DAB1: variants seen among roughly 807,000 people sequenced by gnomAD.
The protein encoded by DAB1 is DAB adaptor protein 1.
Under a neutral mutation model 64.6 loss-of-function variants are expected in DAB1, and 15 were observed. The observed-to-expected ratio is 0.23, with a 90% CI of 0.16 to 0.36. DAB1 has a LOEUF of 0.36. DAB1 is among the 10% of genes least tolerant of loss of function. The pLI is 1.00. For synonymous variants in DAB1, 235 were observed against 251.9 expected, an observed-to-expected ratio of 0.93 and a Z score of 0.64; for missense variants, 596 against 706.7, an observed-to-expected ratio of 0.84 and a Z score of 1.78.
intron 3 of DAB1, among the ~76,000 whole-genome samples, chr1:58,397,764 A>G (rs964239356): frequency 1.3e-5 from 2 of 152,172 alleles, no homozygotes; most frequent in Non-Finnish European, 2.9e-5. Context: ...ACCCCGCATC[A>G]AAGTATTCAC....
At chr1:58,217,697 C>T (rs1658929408) in intron 4 of DAB1, among the ~76,000 whole-genome samples, 1 of 152,136 alleles carries the variant, frequency 6.6e-6, no homozygotes, top group South Asian at 2.1e-4. Context: ...AAGATACAGG[C>T]CACACACCTA....
chr1:58,053,930 T>C (rs1647880690), intron 5 of DAB1, among the ~76,000 whole-genome samples: 1 of 152,248 alleles, frequency 6.6e-6, no homozygotes, highest in Non-Finnish European at 1.5e-5. Context: ...TCTTCTCACC[T>C]AATCCATGGT....
chr1:58,506,265 AAAC>A, intron 2 of DAB1: 1 of 791,770 alleles, frequency 1.3e-6, no homozygotes. Context: ...GATTTTTTAA[AAAC>A]TACTACTTTA....
chr1:58,527,721 C>T (rs978608867), intron 1 of DAB1, among the ~76,000 whole-genome samples: 7 of 152,004 alleles, frequency 4.6e-5, no homozygotes, highest in Admixed American at 4.6e-4. Flanking sequence ...ATCAAGAAAA[C>T]GTAGGCATAT....
At chr1:57,116,732 AGCCCAATG>A (rs1275823388) in intron 4 of DAB1, among the ~76,000 whole-genome samples, 1 of 152,192 alleles carries the variant, frequency 6.6e-6, no homozygotes, top group Non-Finnish European at 1.5e-5. Context: ...AGAAGATTAT[AGCCCAATG>A]GCTTCAATAC....
chr1:58,387,356 A>G (rs1644440948), intron 3 of DAB1, among the ~76,000 whole-genome samples: 2 of 152,246 alleles, frequency 1.3e-5, no homozygotes. Context: ...TGATTAGTCA[A>G]TAACCCAATG....
intron 5 of DAB1, among the ~76,000 whole-genome samples, chr1:57,966,200 T>C (rs1263067088): frequency 6.6e-6 from 1 of 152,160 alleles, no homozygotes; most frequent in Non-Finnish European, 1.5e-5. Flanking sequence ...ATCAGATAGC[T>C]TAAGGAGGTT....
At chr1:57,599,182 CTTT>C (rs147293089) in intron 7 of DAB1, among the ~76,000 whole-genome samples, 3 of 142,182 alleles carry the variant, frequency 2.1e-5, no homozygotes, top group African/African-American at 5.1e-5. Context: ...TGAGCTTCTT[CTTT>C]TTTTTTTTTT....
At chr1:58,083,738 GCAAA>G (rs1650138847) in intron 5 of DAB1, among the ~76,000 whole-genome samples, 1 of 152,190 alleles carries the variant, frequency 6.6e-6, no homozygotes, top group African/African-American at 2.4e-5. Context: ...CAAACAATAA[GCAAA>G]CAGACACACA....
At chr1:58,224,809 T>C (rs959009570) in intron 4 of DAB1, among the ~76,000 whole-genome samples, 2 of 152,178 alleles carry the variant, frequency 1.3e-5, no homozygotes, top group African/African-American at 4.8e-5. Context: ...CAAAAATTAA[T>C]TCAAGATGGA....
chr1:57,812,907 T>C (rs1651694949), intron 6 of DAB1, among the ~76,000 whole-genome samples: 2 of 152,196 alleles, frequency 1.3e-5, no homozygotes, highest in Non-Finnish European at 2.9e-5. Flanking sequence ...ACATCCTTAG[T>C]GAGTCTAGAC....
intron 5 of DAB1, among the ~76,000 whole-genome samples, chr1:57,924,816 A>C (rs1644856878): frequency 1.3e-5 from 2 of 151,970 alleles, no homozygotes; most frequent in African/African-American, 2.4e-5. Context: ...GATATTAATA[A>C]TTGATCCTCC....
chr1:57,603,570 G>C (rs533595054), intron 7 of DAB1, among the ~76,000 whole-genome samples: 1 of 152,312 alleles, frequency 6.6e-6, no homozygotes, highest in East Asian at 1.9e-4. Context: ...ATCATCCCAG[G>C]TGGGCAGGCA....
At chr1:57,531,744 A>G (rs1644665841) in intron 7 of DAB1, among the ~76,000 whole-genome samples, 2 of 152,176 alleles carry the variant, frequency 1.3e-5, no homozygotes. Context: ...AAATTTAACA[A>G]CCAGCTCTGT....
intron 4 of DAB1, among the ~76,000 whole-genome samples, chr1:57,082,604 A>G (rs1257183048): frequency 6.6e-6 from 1 of 152,194 alleles, no homozygotes; most frequent in African/African-American, 2.4e-5. Context: ...AAAGTGTACC[A>G]TGGTGGTACT....
intron 6 of DAB1, among the ~76,000 whole-genome samples, chr1:57,658,847 T>A (rs765095199): frequency 2.6e-5 from 4 of 152,194 alleles, no homozygotes; most frequent in Non-Finnish European, 5.9e-5. Context: ...ATTACAGGCG[T>A]GTGCCCCTGC....
At chr1:58,336,930 TA>T (rs1479573635) in intron 4 of DAB1, among the ~76,000 whole-genome samples, 1 of 152,078 alleles carries the variant, frequency 6.6e-6, no homozygotes, top group Admixed American at 6.5e-5. Flanking sequence ...ATGCAGTGCC[TA>T]AAACTTGGAA....
At chr1:58,482,164 G>C (rs1645497696) in intron 3 of DAB1, among the ~76,000 whole-genome samples, 2 of 152,186 alleles carry the variant, frequency 1.3e-5, no homozygotes, top group Admixed American at 6.5e-5. Flanking sequence ...ACTGAGAAGG[G>C]GAGAGCTGCA....
intron 2 of DAB1, among the ~76,000 whole-genome samples, chr1:57,260,742 T>C (rs1227380088): frequency 6.6e-6 from 1 of 152,122 alleles, no homozygotes; most frequent in African/African-American, 2.4e-5. Context: ...GTGCTCTTGG[T>C]TTTCTCACAC....
Sources: gnomAD v4.1 joint callset for allele counts (sites outside exome capture counted in the v4.1 genomes callset) on GRCh38, gnomAD v4.1.1 for gene constraint, MANE v1.5 for transcripts, NCBI Gene and HGNC (gene_info 2026-07-23, HGNC 2026-07-21) for gene names.